INPP5B: variants seen among roughly 807,000 people sequenced by gnomAD.
INPP5B encodes the protein type II inositol 1,4,5-trisphosphate 5-phosphatase.
Under a neutral mutation model 118.5 loss-of-function variants are expected in INPP5B, and 90 were observed. That is an observed-to-expected ratio of 0.76 (90% CI 0.64 to 0.90). INPP5B has a LOEUF of 0.90. INPP5B is among the 40% of genes least tolerant of loss of function. The pLI, the probability that INPP5B is intolerant of heterozygous loss-of-function variation, is 0.00. For missense variants in INPP5B, 984 were observed against 1,125.6 expected (o/e 0.87, Z 1.80); for synonymous variants, 385 against 418.9 (o/e 0.92, Z 0.99).
At chr1:37,902,944 C>G (rs1029465920) in intron 7 of INPP5B, among the ~76,000 whole-genome samples, 7 of 151,618 alleles carry the variant, frequency 4.6e-5, no homozygotes, top group Non-Finnish European at 7.4e-5. Context: ...GATTGTATCA[C>G]TGCATTCCAC....
chr1:37,861,417 C>T lies in INPP5B; in HGVS notation c.*898G>A, dbSNP rs1317802374. The T allele has an allele frequency of 6.6e-6, 1 of 152,274 alleles. No individual in the cohort carries two copies. Among genetic ancestry groups the T allele is most frequent in the East Asian group, 1.9e-4 (1 of 5,196 alleles). 9.4% of individuals were successfully genotyped at this position (152,274 alleles called of 1,614,324 possible). The stretch of plus-strand genomic sequence containing the variant: ...GCCCTGGAGGTAGGGTGAGTGAGTA[C>T]AAGTACAGTTATTTAAAAACATTTT... On this transcript the variant is annotated 3_prime_UTR_variant, in exon 24 of 24. Coordinates refer to ENST00000373024, the MANE Select transcript of INPP5B (RefSeq NM_005540.3).
At chr1:37,938,591 C>T (rs1244018625) in intron 6 of INPP5B, among the ~76,000 whole-genome samples, 2 of 152,138 alleles carry the variant, frequency 1.3e-5, no homozygotes, top group African/African-American at 4.8e-5. Context: ...AGTTGCACAG[C>T]TAGGTACTGG....
At chr1:37,945,300 G>A (rs1460590138) in intron 3 of INPP5B, among the ~76,000 whole-genome samples, 2 of 152,064 alleles carry the variant, frequency 1.3e-5, no homozygotes, top group Non-Finnish European at 2.9e-5. Flanking sequence ...GCATGGTGGC[G>A]GGCACCTCTG....
chr1:37,899,846 C>T (rs1201181081), intron 7 of INPP5B, among the ~76,000 whole-genome samples: 12 of 151,324 alleles, frequency 7.9e-5, no homozygotes, highest in South Asian at 2.1e-4. Context: ...CCCGAGTATC[C>T]GGGACTACAG....
At chr1:37,896,505 G>C (rs1325484199) in intron 7 of INPP5B, among the ~76,000 whole-genome samples, 1 of 145,368 alleles carries the variant, frequency 6.9e-6, no homozygotes, top group Non-Finnish European at 1.5e-5. Flanking sequence ...CAGCCGCCCC[G>C]TCCGGCAGGT....
intron 13 of INPP5B, chr1:37,883,711 A>C (rs1643344361): frequency 1.0e-6 from 1 of 985,286 alleles, no homozygotes; most frequent in African/African-American, 1.7e-5. Flanking sequence ...GCTCGGCTGC[A>C]AGACACTCCC....
Position 37,868,529 on chromosome 1 carries a change from T to G in INPP5B, c.2273A>C (p.Asp758Ala). 1 of 1,613,850 alleles carries G rather than the reference T, an allele frequency of 6.2e-7. No individual in the cohort carries two copies. Among genetic ancestry groups the G allele is most frequent in the Non-Finnish European group, 8.5e-7 (1 of 1,179,768 alleles). The part of the protein sequence containing the change: ...EIPKELWMMV[D>A]YLYRNAVQQE... ...CTGGACAGCATTTCGGTACAGGTAA[T>G]CAACCATCATCCAGAGCTCTTTGGG... is the stretch of plus-strand genomic sequence containing the variant. The change falls in exon 20 of 24, where the codon GAT becomes GCT. Residue 758 changes from aspartate (D) to alanine (A), a missense_variant. Asp to Ala is a moderately radical substitution (Grantham distance 126). Transcript: ENST00000373024.
At chr1:37,888,114 A>G in intron 10 of INPP5B, 129 bp downstream of exon 10, 1 of 521,910 alleles carries the variant, frequency 1.9e-6, no homozygotes, top group Non-Finnish European at 3.2e-6. Context: ...GAAGAACATC[A>G]AACAGGGAAA....
chr1:37,876,552 TAAAA>T (rs34854182), intron 16 of INPP5B, among the ~76,000 whole-genome samples: 1 of 54,592 alleles, frequency 1.8e-5, no homozygotes, highest in Non-Finnish European at 3.0e-5. Flanking sequence ...GCTGTCTCTT[TAAAA>T]AAAAAAAAAA....
At chr1:37,942,200 T>TG (rs1039997753) in intron 5 of INPP5B, 7 of 146,184 alleles carry the variant, frequency 4.8e-5, no homozygotes, top group African/African-American at 1.8e-4. Flanking sequence ...GAGGCCGAGG[T>TG]GGGGTGGATC....
intron 7 of INPP5B, among the ~76,000 whole-genome samples, chr1:37,922,884 T>C (rs1645105501): frequency 6.6e-6 from 1 of 152,222 alleles, no homozygotes; most frequent in South Asian, 2.1e-4. Flanking sequence ...GTGCAATTAC[T>C]TTACGGCAAC....
rs755138432 is a variant in INPP5B, at chr1:37,878,189, C to G, written c.1676G>C (p.Gly559Ala). The G allele has an allele frequency of 6.2e-7, 1 of 1,613,992 alleles. No homozygotes were observed. The highest frequency in any genetic ancestry group is 8.5e-7 in the Non-Finnish European group (1 of 1,179,928). Residue 559 changes from glycine (G) to alanine (A), a missense_variant and splice_region_variant, in exon 16 of 24, where the codon GGG becomes GCG. Physicochemically the swap from Gly to Ala is moderately conservative, Grantham distance 60. Transcript: ENST00000373024. Reference sequence around the variant, plus strand: ...CAACAGGTACCAGCTGCCACCTACCCCGATGTCAAACACTGAGCTGACAGG... The same window carrying G: ...CAACAGGTACCAGCTGCCACCTACCGCGATGTCAAACACTGAGCTGACAGG... ...HKPVSSVFDI[G>A]VRVVNDELYR...
intron 6 of INPP5B, among the ~76,000 whole-genome samples, chr1:37,936,218 A>G (rs1645683317): frequency 6.6e-6 from 1 of 152,008 alleles, no homozygotes; most frequent in Non-Finnish European, 1.5e-5. Context: ...TCTTCCCCCA[A>G]GTTCAGTCCC....
intron 6 of INPP5B, among the ~76,000 whole-genome samples, chr1:37,937,658 T>C (rs907510028): frequency 3.3e-5 from 5 of 151,924 alleles, no homozygotes; most frequent in Non-Finnish European, 5.9e-5. Context: ...TCCCAGCTAC[T>C]CGGGACGCTG....
At chr1:37,922,197 G>A (rs767766286) in intron 7 of INPP5B, among the ~76,000 whole-genome samples, 1 of 151,892 alleles carries the variant, frequency 6.6e-6, no homozygotes. Flanking sequence ...GCTAGAATCT[G>A]TCTCAAAAAA....
chr1:37,865,711 GC>G lies in INPP5B; in HGVS notation c.2514+49del, dbSNP rs764475169. ...GAACTGTGTCCACTCTGTTCCCTTAGCCCCATGGGGTCTGGGGCTAACCACA... is the reference window on the plus strand; with the variant it reads ...GAACTGTGTCCACTCTGTTCCCTTAGCCCATGGGGTCTGGGGCTAACCACA... On this transcript the variant is annotated intron_variant, in intron 22 of 23. Coordinates refer to ENST00000373024, the MANE Select transcript of INPP5B (RefSeq NM_005540.3). 11 of 1,600,452 alleles carry G rather than the reference GC, an allele frequency of 6.9e-6. No individual in the cohort carries two copies. The African/African-American group carries it at 1.5e-4, about 21-fold the overall frequency.
intron 14 of INPP5B, 67 bp downstream of exon 14, chr1:37,882,740 C>A (rs1202810375): frequency 7.1e-6 from 9 of 1,271,046 alleles, no homozygotes; most frequent in African/African-American, 1.5e-5. Context: ...AGTTTGGAAG[C>A]CAGGCTTTTC....
chr1:37,941,439 G>C (rs1445753342), intron 5 of INPP5B, among the ~76,000 whole-genome samples: 1 of 151,466 alleles, frequency 6.6e-6, no homozygotes, highest in South Asian at 2.1e-4. Context: ...CTTAAAGCCA[G>C]GAGTTTGAGA....
intron 7 of INPP5B, among the ~76,000 whole-genome samples, chr1:37,903,497 C>T (rs1363313648): frequency 1.3e-5 from 2 of 152,162 alleles, no homozygotes; most frequent in African/African-American, 2.4e-5. Flanking sequence ...GAGGCCGAGA[C>T]GGGTGGATCA....
Sources: allele counts gnomAD v4.1 joint callset (sites outside exome capture counted in the v4.1 genomes callset), GRCh38; gene constraint gnomAD v4.1.1; transcripts MANE v1.5; gene names NCBI Gene and HGNC (gene_info 2026-07-23, HGNC 2026-07-21).